Variants in PDCD6IP observed in about 807,000 individuals in gnomAD.
PDCD6IP encodes programmed cell death 6 interacting protein, also known as programmed cell death 6-interacting protein.
In PDCD6IP, 43 loss-of-function variants were observed where a neutral mutation model predicts 103.7. The ratio of observed to expected loss-of-function variants is 0.41; its 90% CI spans 0.32 to 0.53. PDCD6IP has a LOEUF of 0.53. Ranked by LOEUF, PDCD6IP falls within the 20% of genes least tolerant of loss-of-function variation. The pLI is 0.16. For missense variants in PDCD6IP, 871 were observed against 1,036.7 expected, an observed-to-expected ratio of 0.84 and a Z score of 2.20; for synonymous variants, 354 against 378.7, an observed-to-expected ratio of 0.93 and a Z score of 0.76.
chr3:33,807,584 C>A (rs1696626272), intron 1 of PDCD6IP, among the ~76,000 whole-genome samples: 1 of 152,194 alleles, frequency 6.6e-6, no homozygotes, highest in South Asian at 2.1e-4. Flanking sequence ...AGTAGACTCT[C>A]CCTGAGAATT....
At chr3:33,821,586 A>G (rs1248370487) in intron 3 of PDCD6IP, among the ~76,000 whole-genome samples, 1 of 152,204 alleles carries the variant, frequency 6.6e-6, no homozygotes, top group Non-Finnish European at 1.5e-5. Flanking sequence ...TTGTGGTGGG[A>G]CAATGTGATT....
At chr3:33,855,067 C>T (rs749353661) in intron 14 of PDCD6IP, 99 bp from the exon 15 acceptor site, 11 of 683,822 alleles carry the variant, frequency 1.6e-5, no homozygotes, top group Admixed American at 9.3e-5. Context: ...CTCAGTTCTT[C>T]GGCTCTAACT....
chr3:33,855,566 A>G (rs1298800808), intron 15 of PDCD6IP, among the ~76,000 whole-genome samples: 4 of 152,244 alleles, frequency 2.6e-5, no homozygotes, highest in Non-Finnish European at 4.4e-5. Flanking sequence ...TGAAGTGGCA[A>G]ATAGGTTCCT....
intron 11 of PDCD6IP, 80 bp downstream of exon 11, chr3:33,844,303 A>C: frequency 1.4e-6 from 1 of 692,088 alleles, no homozygotes; most frequent in Non-Finnish European, 2.3e-6. Flanking sequence ...AATTAGGCTC[A>C]GTTGTAAATT....
chr3:33,814,555 A>G (rs1429372849), intron 3 of PDCD6IP, among the ~76,000 whole-genome samples: 1 of 147,480 alleles, frequency 6.8e-6, no homozygotes, highest in Non-Finnish European at 1.5e-5. Flanking sequence ...TGATATATGT[A>G]TATTTCATGT....
At chr3:33,816,421 C>G (rs1258695819) in intron 3 of PDCD6IP, among the ~76,000 whole-genome samples, 1 of 145,602 alleles carries the variant, frequency 6.9e-6, no homozygotes, top group Non-Finnish European at 1.5e-5. Flanking sequence ...AGGAGACTCA[C>G]TTGAACCTGA....
At chr3:33,826,668 A>C in intron 6 of PDCD6IP, 88 bp downstream of exon 6, 1 of 1,548,016 alleles carries the variant, frequency 6.5e-7, no homozygotes, top group Non-Finnish European at 8.7e-7. Context: ...TGAAACTTAT[A>C]AAGAAATTTG....
intron 4 of PDCD6IP, among the ~76,000 whole-genome samples, chr3:33,824,648 A>G (rs6807573): frequency 0.028 from 4,214 of 152,314 alleles, 65 homozygotes; most frequent in African/African-American, 0.046. Context: ...TAGTATTAAC[A>G]AAATATAATT....
intron 3 of PDCD6IP, among the ~76,000 whole-genome samples, chr3:33,814,600 A>G (rs1245076014): frequency 6.9e-6 from 1 of 145,654 alleles, no homozygotes; most frequent in East Asian, 2.1e-4. Context: ...ATATGTATAT[A>G]TGTATTATAT....
Position 33,866,775 on chromosome 3 carries a change from A to G in PDCD6IP, c.*250A>G. 1 of 347,866 alleles carries G rather than the reference A, an allele frequency of 2.9e-6. No individual in the cohort carries two copies. Among genetic ancestry groups the G allele is most frequent in the Non-Finnish European group, 5.1e-6 (1 of 194,694 alleles). The allele number at this position is 347,866 out of a possible 1,614,324, so 21.5% of individuals were successfully genotyped here. ...TGAAATTGCATTACAGTTCATAAAAATTGAAAATGAGAAATTAAACCTGCA... is the reference window on the plus strand; with the variant it reads ...TGAAATTGCATTACAGTTCATAAAAGTTGAAAATGAGAAATTAAACCTGCA... On this transcript the variant is annotated 3_prime_UTR_variant, in exon 18 of 18. Transcript: ENST00000307296.
At position 33,845,607 on chromosome 3, in the gene PDCD6IP, T is replaced by A; in HGVS notation, c.1641+19T>A. On this transcript the variant is annotated intron_variant, in intron 12 of 17. Coordinates refer to ENST00000307296, the MANE Select transcript of PDCD6IP (RefSeq NM_013374.6). Reference sequence around the variant, plus strand: ...CAGTGAGGTAAGAAGGACACTTTGATGTAGGTTGTCATCTGCTTAAGAAAA... The same window carrying A: ...CAGTGAGGTAAGAAGGACACTTTGAAGTAGGTTGTCATCTGCTTAAGAAAA... 6.4e-7 allele frequency: 1 copy of A among 1,574,174 alleles called. No individual in the cohort carries two copies. Among genetic ancestry groups the A allele is most frequent in the Non-Finnish European group, 8.7e-7 (1 of 1,153,454 alleles).
At chr3:33,838,111 T>A (rs905219120) in intron 8 of PDCD6IP, 93 bp from the exon 9 acceptor site, 18 of 575,790 alleles carry the variant, frequency 3.1e-5, no homozygotes, top group Non-Finnish European at 4.0e-5. Flanking sequence ...ATTTATAGAC[T>A]ATGTGAATAT....
At chr3:33,842,165 T>C (rs1185388423) in intron 10 of PDCD6IP, 91 bp downstream of exon 10, 4 of 836,768 alleles carry the variant, frequency 4.8e-6, no homozygotes, top group Admixed American at 4.4e-5. Flanking sequence ...CTCATGCTAG[T>C]ACAGTGTAGT....
At chr3:33,800,216 G>T (rs1179118498) in intron 1 of PDCD6IP, among the ~76,000 whole-genome samples, 5 of 151,190 alleles carry the variant, frequency 3.3e-5, no homozygotes, top group African/African-American at 1.2e-4. Flanking sequence ...ACTGGAGATC[G>T]TCTTGCCTCC....
chr3:33,863,296 C>T (rs1697992805), intron 15 of PDCD6IP, among the ~76,000 whole-genome samples: 1 of 152,172 alleles, frequency 6.6e-6, no homozygotes, highest in Admixed American at 6.5e-5. Context: ...CATTCCAAAT[C>T]TTCTAGCTAT....
In PDCD6IP at chr3:33,866,782, A is replaced by G. The variant is rs1553711670; in HGVS notation, c.*257A>G. 3.0e-6 allele frequency: 1 copy of G among 337,046 alleles called. No individual in the cohort carries two copies. Among genetic ancestry groups the G allele is most frequent in the South Asian group, 1.5e-4 (1 of 6,542 alleles). 20.9% of individuals were successfully genotyped at this position (337,046 alleles called of 1,614,324 possible). A position where few individuals can be genotyped will look rare whatever the true frequency, so the allele number is the denominator to read the frequency against. On this transcript the variant is annotated 3_prime_UTR_variant, in exon 18 of 18. Coordinates refer to ENST00000307296, the MANE Select transcript of PDCD6IP (RefSeq NM_013374.6). Reference sequence around the variant, plus strand: ...GCATTACAGTTCATAAAAATTGAAAATGAGAAATTAAACCTGCAAGTGAAA... The same window carrying G: ...GCATTACAGTTCATAAAAATTGAAAGTGAGAAATTAAACCTGCAAGTGAAA...
At chr3:33,830,823 GA>G (rs1697228831) in intron 7 of PDCD6IP, among the ~76,000 whole-genome samples, 1 of 152,146 alleles carries the variant, frequency 6.6e-6, no homozygotes. Context: ...AAGACAAACA[GA>G]ACAGACAAGA....
chr3:33,838,243 CTT>C lies in PDCD6IP; in HGVS notation c.1099_1100del (p.Leu367GlyfsTer4). 2 of 1,613,482 alleles carry C rather than the reference CTT, an allele frequency of 1.2e-6. No individual in the cohort carries two copies. Among genetic ancestry groups the C allele is most frequent in the Non-Finnish European group, 1.7e-6 (2 of 1,179,420 alleles). On this transcript the variant is annotated frameshift_variant, in exon 9 of 18. Coordinates refer to ENST00000307296, the MANE Select transcript of PDCD6IP (RefSeq NM_013374.6). LOFTEE classifies it high-confidence loss of function. ...ATGGTTCCCGTGTCAGTACAGCAGT[CTT>C]TGGCTGCCTATAATCAGAGGAAAGC...
At chr3:33,827,340 AT>A (rs1697149884) in intron 6 of PDCD6IP, 56 of 469,112 alleles carry the variant, frequency 1.2e-4, no homozygotes, top group South Asian at 1.8e-4. Flanking sequence ...CTGTTACATG[AT>A]TTTTTTTGGT....
Sources: gnomAD v4.1 joint callset for allele counts (sites outside exome capture counted in the v4.1 genomes callset) on GRCh38, gnomAD v4.1.1 for gene constraint, MANE v1.5 for transcripts, NCBI Gene and HGNC (gene_info 2026-07-23, HGNC 2026-07-21) for gene names.